RAB3C: variants seen among roughly 807,000 people sequenced by gnomAD.
The protein encoded by RAB3C is ras-related protein Rab-3C.
In RAB3C, 17 loss-of-function variants were observed where a neutral mutation model predicts 26.4. The observed-to-expected ratio is 0.64, with a 90% CI of 0.44 to 0.97. The LOEUF is 0.97. Among genes scored for constraint, RAB3C ranks in the 50% least tolerant of loss-of-function variants. The probability of loss-of-function intolerance (pLI) is 0.00; values close to 1 mark genes in which losing one functional copy is unlikely to be tolerated. For missense variants in RAB3C, 242 were observed against 281.9 expected, an observed-to-expected ratio of 0.86 and a Z score of 1.01; for synonymous variants, 91 against 95.9, an observed-to-expected ratio of 0.95 and a Z score of 0.30.
In RAB3C at chr5:58,853,146, A is replaced by C. The variant is rs543343484; in HGVS notation, c.*1795A>C. 391 of 152,278 alleles carry C rather than the reference A, an allele frequency of 2.6e-3. No homozygotes were observed. The highest frequency in any genetic ancestry group is 9.1e-3 in the African/African-American group (377 of 41,546). 9.4% of individuals were successfully genotyped at this position (152,278 alleles called of 1,614,324 possible). ...ACCTTAGCATAGTAAAGACAAGAAA[A>C]CATTAATGTTTTATTAGTTTTTAAT... On this transcript the variant is annotated 3_prime_UTR_variant, in exon 5 of 5. Transcript: ENST00000282878.
At chr5:58,808,012 T>C (rs6862970) in intron 3 of RAB3C, among the ~76,000 whole-genome samples, 8,075 of 151,984 alleles carry the variant, frequency 0.053, 614 homozygotes, top group African/African-American at 0.16. Flanking sequence ...GATCACAAGG[T>C]CAGGAGATCG....
At chr5:58,599,495 C>G (rs1287287935) in intron 1 of RAB3C, among the ~76,000 whole-genome samples, 4 of 152,112 alleles carry the variant, frequency 2.6e-5, no homozygotes, top group African/African-American at 4.8e-5. Context: ...ACCTTGCTTA[C>G]AATCCTCTCT....
At position 58,808,224 on chromosome 5, in the gene RAB3C, C is replaced by CAAAAAA. The variant is rs773339041; in HGVS notation, c.372-16801_372-16796dup. ...TGGGTGACAGAGCAAGACTCCGTCTCAAAAAAAAAAAAAAAAAAGAAATAA... is the reference window on the plus strand; with the variant it reads ...TGGGTGACAGAGCAAGACTCCGTCTCAAAAAAAAAAAAAAAAAAAAAAAAGAAATAA... On this transcript the variant is annotated intron_variant, in intron 3 of 4. Coordinates refer to ENST00000282878, the MANE Select transcript of RAB3C (RefSeq NM_138453.4). Among the ~76,000 whole-genome samples the CAAAAAA allele has an allele frequency of 5.8e-3, 369 of 63,534 alleles. 9 individuals carry two copies. The highest frequency in any genetic ancestry group is 0.018 in the African/African-American group (347 of 19,180). The allele number at this position is 63,534 out of a possible 152,430, so 41.7% of individuals were successfully genotyped here.
At chr5:58,797,347 AAAAAAAATATGTATATATATAAT>A (rs1313582364) in intron 3 of RAB3C, among the ~76,000 whole-genome samples, 4 of 6,070 alleles carry the variant, frequency 6.6e-4, no homozygotes, top group African/African-American at 2.0e-3. Flanking sequence ...GACAAAAAAA[AAAAAAAATATGTATATATATAAT>A]ATATATATAT....
At chr5:58,612,518 GTGTATATATATATA>G (rs1456589595) in intron 1 of RAB3C, among the ~76,000 whole-genome samples, 2 of 40,574 alleles carry the variant, frequency 4.9e-5, no homozygotes, top group African/African-American at 7.9e-5. Flanking sequence ...GTGTGTGTGT[GTGTATATATATATA>G]TATATATATA....
chr5:58,596,169 A>C (rs1016479309), intron 1 of RAB3C, among the ~76,000 whole-genome samples: 2 of 151,968 alleles, frequency 1.3e-5, no homozygotes, highest in Non-Finnish European at 2.9e-5. Context: ...CCTCATTCCC[A>C]GGCAAACTAG....
In RAB3C at chr5:58,779,976, G is replaced by A. The variant is rs370696934; in HGVS notation, c.372-45062G>A. Among the ~76,000 whole-genome samples, 58 of 152,218 alleles carry A rather than the reference G, an allele frequency of 3.8e-4. No homozygotes were observed. In the South Asian group the frequency reaches 9.3e-3, roughly 24 times the overall value. The stretch of plus-strand genomic sequence containing the variant: ...TTGCACAGAGGAAGGGAGATGCTGT[G>A]GAAAAATGGAAAGGACTGTGTTAGT... On this transcript the variant is annotated intron_variant, in intron 3 of 4. Transcript: ENST00000282878.
chr5:58,827,074 C>T (rs962231759), intron 4 of RAB3C, among the ~76,000 whole-genome samples: 5 of 152,208 alleles, frequency 3.3e-5, no homozygotes, highest in African/African-American at 9.6e-5. Flanking sequence ...TTTGAAGTTA[C>T]CATCTCTGCC....
chr5:58,599,600 A>G (rs905541336), intron 1 of RAB3C, among the ~76,000 whole-genome samples: 3 of 152,164 alleles, frequency 2.0e-5, no homozygotes, highest in Non-Finnish European at 4.4e-5. Flanking sequence ...CTGGAAGTAA[A>G]CTACATACTA....
At chr5:58,825,666 A>G (rs1375518223) in intron 4 of RAB3C, among the ~76,000 whole-genome samples, 2 of 152,174 alleles carry the variant, frequency 1.3e-5, no homozygotes, top group Non-Finnish European at 2.9e-5. Flanking sequence ...AATGAGTATC[A>G]TAGCCCGTGC....
At chr5:58,616,045 G>A (rs964896822) in intron 1 of RAB3C, among the ~76,000 whole-genome samples, 1 of 151,320 alleles carries the variant, frequency 6.6e-6, no homozygotes, top group African/African-American at 2.4e-5. Context: ...TGTCCTAGAT[G>A]AGGCTGAGCA....
Position 58,851,451 on chromosome 5 carries a change from T to A in RAB3C, c.*100T>A. ...TTCATTTATACTGCCTAACAATTATTTGAAGGAATAAATTGATGTCAATGG... is the reference window on the plus strand; with the variant it reads ...TTCATTTATACTGCCTAACAATTATATGAAGGAATAAATTGATGTCAATGG... On this transcript the variant is annotated 3_prime_UTR_variant, in exon 5 of 5. Transcript: ENST00000282878. 1.0e-6 allele frequency: 1 copy of A among 971,982 alleles called. No individual in the cohort carries two copies. The allele number at this position is 971,982 out of a possible 1,614,324, so 60.2% of individuals were successfully genotyped here.
At chr5:58,640,610 A>G (rs977907494) in intron 2 of RAB3C, among the ~76,000 whole-genome samples, 3 of 152,110 alleles carry the variant, frequency 2.0e-5, no homozygotes, top group African/African-American at 7.2e-5. Context: ...TGGTTTTGAG[A>G]CTATCTTGTG....
At chr5:58,743,963 C>T (rs1275931723) in intron 3 of RAB3C, among the ~76,000 whole-genome samples, 1 of 152,186 alleles carries the variant, frequency 6.6e-6, no homozygotes, top group Admixed American at 6.5e-5. Flanking sequence ...ATGCCCTTAC[C>T]TCTATGGCCA....
At chr5:58,703,579 A>G (rs1315515898) in intron 2 of RAB3C, among the ~76,000 whole-genome samples, 2 of 152,178 alleles carry the variant, frequency 1.3e-5, no homozygotes, top group African/African-American at 4.8e-5. Context: ...TTTACCAGGG[A>G]CGAAACCAGA....
intron 3 of RAB3C, among the ~76,000 whole-genome samples, chr5:58,777,968 G>A (rs143137485): frequency 9.9e-4 from 150 of 152,088 alleles, no homozygotes; most frequent in African/African-American, 3.1e-3. Flanking sequence ...AACATGTTTT[G>A]TATACAGTTC....
chr5:58,807,803 CA>C (rs1742976086), intron 3 of RAB3C, among the ~76,000 whole-genome samples: 1 of 150,878 alleles, frequency 6.6e-6, no homozygotes, highest in Non-Finnish European at 1.5e-5. Flanking sequence ...GTCCATAGCA[CA>C]GTGGGTACTC....
intron 4 of RAB3C, among the ~76,000 whole-genome samples, chr5:58,844,250 G>C (rs1011408397): frequency 6.6e-6 from 1 of 152,140 alleles, no homozygotes; most frequent in Admixed American, 6.5e-5. Flanking sequence ...TATGGACCAG[G>C]ATTTGTTAAG....
Position 58,617,737 on chromosome 5 carries a change from G to A in RAB3C, c.119G>A (p.Ser40Asn). 1 of 1,613,988 alleles carries A rather than the reference G, an allele frequency of 6.2e-7. No individual in the cohort carries two copies. The highest frequency in any genetic ancestry group is 8.5e-7 in the Non-Finnish European group (1 of 1,179,880). The change falls in exon 2 of 5, where the codon AGT becomes AAT. Residue 40 changes from serine to asparagine, a missense_variant. Transcript: ENST00000282878. ...AAATTACTCATCATCGGCAATAGCA[G>A]TGTGGGGAAAACATCTTTTCTATTC... The part of the protein sequence containing the change: ...MFKLLIIGNS[S>N]VGKTSFLFRY...
Sources: gnomAD v4.1 joint callset for allele counts (sites outside exome capture counted in the v4.1 genomes callset) on GRCh38, gnomAD v4.1.1 for gene constraint, MANE v1.5 for transcripts, NCBI Gene and HGNC (gene_info 2026-07-23, HGNC 2026-07-21) for gene names.